SLC16A7: variants seen among roughly 807,000 people sequenced by gnomAD.
SLC16A7 encodes monocarboxylate transporter 2.
Under a neutral mutation model 34.9 loss-of-function variants are expected in SLC16A7, and 33 were observed. That is an observed-to-expected ratio of 0.94 (90% CI 0.72 to 1.26). The LOEUF is 1.26. SLC16A7 is among the 50% of genes most tolerant of loss of function. The pLI, the probability that SLC16A7 is intolerant of heterozygous loss-of-function variation, is 0.00. For missense variants in SLC16A7, 573 were observed against 578.1 expected (o/e 0.99, Z 0.09); for synonymous variants, 201 against 206.6 (o/e 0.97, Z 0.23).
At chr12:59,688,332 T>C (rs1252558066) in intron 2 of SLC16A7, among the ~76,000 whole-genome samples, 1 of 151,334 alleles carries the variant, frequency 6.6e-6, no homozygotes, top group Non-Finnish European at 1.5e-5. Context: ...CTTTAAGGAG[T>C]TCATGAATGA....
chr12:59,720,010 T>C, intron 3 of SLC16A7: 2 of 677,040 alleles, frequency 3.0e-6, no homozygotes, highest in Admixed American at 4.5e-5. Context: ...ACTTTGAATC[T>C]CATGTTTTTG....
chr12:59,651,645 C>T (rs1052445729), intron 1 of SLC16A7, among the ~76,000 whole-genome samples: 4 of 152,108 alleles, frequency 2.6e-5, no homozygotes, highest in African/African-American at 9.7e-5. Flanking sequence ...GTGTCTCATG[C>T]CTGTCATTTA....
chr12:59,686,100 T>TA (rs2137083099), intron 2 of SLC16A7, among the ~76,000 whole-genome samples: 1 of 148,490 alleles, frequency 6.7e-6, no homozygotes, highest in South Asian at 2.1e-4. Flanking sequence ...CTTTTCTTTT[T>TA]TTTTTTTTTT....
chr12:59,726,614 T>C (rs1220382306), intron 3 of SLC16A7, among the ~76,000 whole-genome samples: 1 of 152,178 alleles, frequency 6.6e-6, no homozygotes, highest in East Asian at 1.9e-4. Context: ...GTGTTAGTTG[T>C]GAGCAAGTTA....
intron 1 of SLC16A7, among the ~76,000 whole-genome samples, chr12:59,644,286 T>C (rs1880813107): frequency 1.3e-5 from 2 of 152,080 alleles, no homozygotes; most frequent in Non-Finnish European, 2.9e-5. Flanking sequence ...TAAAGTCTTG[T>C]CCGGGCACGG....
intron 3 of SLC16A7, chr12:59,761,088 T>C (rs1414162136): frequency 6.5e-6 from 6 of 924,628 alleles, no homozygotes; most frequent in South Asian, 2.8e-5. Context: ...TGATATTTAA[T>C]TGAAGAAGTT....
chr12:59,708,116 A>G (rs1873800489), intron 3 of SLC16A7, among the ~76,000 whole-genome samples: 2 of 152,162 alleles, frequency 1.3e-5, no homozygotes, highest in South Asian at 4.1e-4. Flanking sequence ...CTTAATGTGG[A>G]TGCAGATAAT....
At chr12:59,603,892 A>G (rs1878808405) in intron 1 of SLC16A7, among the ~76,000 whole-genome samples, 1 of 152,314 alleles carries the variant, frequency 6.6e-6, no homozygotes, top group East Asian at 1.9e-4. Flanking sequence ...TTTTAAAGGC[A>G]GTTCTACTTG....
chr12:59,667,497 A>G (rs1354141869), intron 2 of SLC16A7, among the ~76,000 whole-genome samples: 1 of 152,188 alleles, frequency 6.6e-6, no homozygotes, highest in Non-Finnish European at 1.5e-5. Context: ...TTGTTATGCA[A>G]AAAGTTTGGC....
chr12:59,720,103 A>G (rs1875395306), intron 3 of SLC16A7: 2 of 700,202 alleles, frequency 2.9e-6, no homozygotes, highest in Non-Finnish European at 5.2e-6. Context: ...CAATAGCTGT[A>G]TATTCCATCA....
chr12:59,706,495 T>A (rs564081103), intron 3 of SLC16A7, among the ~76,000 whole-genome samples: 4 of 152,242 alleles, frequency 2.6e-5, no homozygotes, highest in African/African-American at 7.2e-5. Context: ...CATGCATTTT[T>A]CTTCCAGTAT....
chr12:59,763,945 C>G, intron 3 of SLC16A7: 1 of 152,236 alleles, frequency 6.6e-6, no homozygotes, highest in East Asian at 1.9e-4. Context: ...TATCTCTCCC[C>G]CTCTCCTAGG....
intron 3 of SLC16A7, among the ~76,000 whole-genome samples, chr12:59,715,143 G>C (rs918204249): frequency 3.3e-5 from 5 of 152,074 alleles, no homozygotes; most frequent in Non-Finnish European, 7.3e-5. Context: ...CATTATTTGT[G>C]GTAGTTATGC....
chr12:59,744,876 ATG>A (rs1248953647), intron 3 of SLC16A7, among the ~76,000 whole-genome samples: 1 of 152,096 alleles, frequency 6.6e-6, no homozygotes, highest in Non-Finnish European at 1.5e-5. Context: ...GAGGGGTGAA[ATG>A]TAATGGGTCC....
At chr12:59,659,378 CA>C (rs2137028015) in intron 2 of SLC16A7, among the ~76,000 whole-genome samples, 1 of 152,044 alleles carries the variant, frequency 6.6e-6, no homozygotes, top group Non-Finnish European at 1.5e-5. Context: ...ACATTGTATC[CA>C]AAAGGTAATT....
chr12:59,749,799 A>G (rs1879302995), intron 3 of SLC16A7, among the ~76,000 whole-genome samples: 1 of 152,244 alleles, frequency 6.6e-6, no homozygotes, highest in Admixed American at 6.5e-5. Context: ...TGTGGCAGAA[A>G]AGGTTGGAAT....
At chr12:59,601,189 C>T (rs193256120) in intron 1 of SLC16A7, among the ~76,000 whole-genome samples, 2 of 152,198 alleles carry the variant, frequency 1.3e-5, no homozygotes, top group East Asian at 3.9e-4. Context: ...GTTTCTCCAC[C>T]TCATAATACA....
At chr12:59,754,020 G>A (rs1258474856) in intron 3 of SLC16A7, among the ~76,000 whole-genome samples, 3 of 152,060 alleles carry the variant, frequency 2.0e-5, no homozygotes, top group Admixed American at 6.5e-5. Context: ...GGCACATAAC[G>A]AAATGAAGGC....
intron 2 of SLC16A7, among the ~76,000 whole-genome samples, chr12:59,674,164 A>C (rs1870113924): frequency 6.6e-6 from 1 of 152,232 alleles, no homozygotes; most frequent in African/African-American, 2.4e-5. Context: ...TAGAAGAACT[A>C]AGAAAATAGC....
Sources: allele counts gnomAD v4.1 joint callset (sites outside exome capture counted in the v4.1 genomes callset), GRCh38; gene constraint gnomAD v4.1.1; transcripts MANE v1.5; gene names NCBI Gene and HGNC (gene_info 2026-07-23, HGNC 2026-07-21).